FMN1: variants seen among roughly 807,000 people sequenced by gnomAD.
The protein encoded by FMN1 is formin 1.
In FMN1, 110 loss-of-function variants were observed where a neutral mutation model predicts 132.4. The observed-to-expected ratio is 0.83, with a 90% confidence interval of 0.71 to 0.97. The LOEUF is 0.97. Ranked by LOEUF, FMN1 falls within the 50% of genes least tolerant of loss-of-function variation. The pLI is 0.00. For synonymous variants in FMN1, 722 were observed against 651.7 expected, an observed-to-expected ratio of 1.11 and a Z score of -1.64; for missense variants, 1,792 against 1,705.3, an observed-to-expected ratio of 1.05 and a Z score of -0.90.
chr15:33,000,513 A>G (rs924585894), intron 7 of FMN1, among the ~76,000 whole-genome samples: 1 of 151,042 alleles, frequency 6.6e-6, no homozygotes, highest in African/African-American at 2.4e-5. Flanking sequence ...ATAGTGGCTG[A>G]CACCTGTAAC....
chr15:32,990,346 C>T (rs1252664573), intron 7 of FMN1, among the ~76,000 whole-genome samples: 1 of 152,046 alleles, frequency 6.6e-6, no homozygotes, highest in East Asian at 1.9e-4. Flanking sequence ...ATTCGCTGTC[C>T]CAGATGTTGA....
At chr15:32,788,782 G>A (rs2056966210) in intron 19 of FMN1, among the ~76,000 whole-genome samples, 3 of 152,256 alleles carry the variant, frequency 2.0e-5, no homozygotes, top group Non-Finnish European at 4.4e-5. Context: ...AAAGAGGTTT[G>A]AGGCTTGGCA....
chr15:32,966,451 G>C lies in FMN1; in HGVS notation c.2988-2194C>G, dbSNP rs74360705. On this transcript the variant is annotated intron_variant, in intron 8 of 20. Transcript: ENST00000616417. ...CTGCCATGGTGGTCAACTGACCACTGAACATACAATTCTAGCTCAAAAGGA... is the reference window on the plus strand; with the variant it reads ...CTGCCATGGTGGTCAACTGACCACTCAACATACAATTCTAGCTCAAAAGGA... 5.8e-3 allele frequency among the ~76,000 whole-genome samples: 888 copies of C among 152,200 alleles called. 1 individual carries two copies. The highest frequency in any genetic ancestry group is 9.3e-3 in the Non-Finnish European group (632 of 68,002).
Position 32,904,925 on chromosome 15 carries a change from C to G in FMN1, c.3378-2885G>C, listed in dbSNP as rs1596237743. ...CCACAAGAGCAAACACAGTAACTCTCTTAAATATTCCCAAGCATGGGATCT... is the reference window on the plus strand; with the variant it reads ...CCACAAGAGCAAACACAGTAACTCTGTTAAATATTCCCAAGCATGGGATCT... On this transcript the variant is annotated intron_variant, in intron 12 of 20. Coordinates refer to ENST00000616417, the MANE Select transcript of FMN1 (RefSeq NM_001277313.2). 3.3e-5 allele frequency among the ~76,000 whole-genome samples: 5 copies of G among 152,308 alleles called. No individual in the cohort carries two copies. In the East Asian group the frequency reaches 9.6e-4, roughly 29 times the overall value.
At chr15:32,954,470 C>T (rs1346732585) in intron 9 of FMN1, among the ~76,000 whole-genome samples, 2 of 152,120 alleles carry the variant, frequency 1.3e-5, no homozygotes, top group Non-Finnish European at 2.9e-5. Context: ...CCTTGGAATT[C>T]ATATAATTAA....
At chr15:32,806,927 CTCTA>C (rs1218098262) in intron 17 of FMN1, among the ~76,000 whole-genome samples, 1 of 152,198 alleles carries the variant, frequency 6.6e-6, no homozygotes, top group East Asian at 1.9e-4. Flanking sequence ...TTCCCACAGC[CTCTA>C]TCTACCTAAC....
chr15:32,879,212 T>C (rs1033303961), intron 16 of FMN1, among the ~76,000 whole-genome samples: 2 of 152,192 alleles, frequency 1.3e-5, no homozygotes, highest in African/African-American at 4.8e-5. Flanking sequence ...TTGAAATCAT[T>C]TTACAAAAAT....
intron 5 of FMN1, 100 bp downstream of exon 5, chr15:33,088,699 T>G: frequency 6.7e-6 from 7 of 1,049,044 alleles, no homozygotes; most frequent in Non-Finnish European, 9.1e-6. Context: ...ATCCATACAT[T>G]AAATGCAGCT....
chr15:33,151,198 G>T (rs1470578926), intron 4 of FMN1: 2 of 1,521,916 alleles, frequency 1.3e-6, no homozygotes, highest in East Asian at 2.5e-5. Flanking sequence ...AGGAGGTAAT[G>T]GCTGGAGGCC....
chr15:32,984,640 G>T (rs2032935325), intron 7 of FMN1, among the ~76,000 whole-genome samples: 1 of 152,184 alleles, frequency 6.6e-6, no homozygotes, highest in African/African-American at 2.4e-5. Flanking sequence ...TTATCAATCA[G>T]AAGCTATGAG....
At chr15:33,019,368 G>C (rs1226260249) in intron 6 of FMN1, among the ~76,000 whole-genome samples, 1 of 152,286 alleles carries the variant, frequency 6.6e-6, no homozygotes, top group Admixed American at 6.5e-5. Context: ...CAATCCCTTA[G>C]CCAGACATAA....
At chr15:33,177,421 T>C (rs970714232) in intron 3 of FMN1, among the ~76,000 whole-genome samples, 1 of 152,200 alleles carries the variant, frequency 6.6e-6, no homozygotes, top group Non-Finnish European at 1.5e-5. Flanking sequence ...GTCAGAAGGC[T>C]TGGACTCAAG....
intron 16 of FMN1, among the ~76,000 whole-genome samples, chr15:32,887,560 T>C (rs1310536345): frequency 6.6e-6 from 1 of 152,230 alleles, no homozygotes. Context: ...ACTGTGGGCC[T>C]TACCATCATT....
intron 3 of FMN1, among the ~76,000 whole-genome samples, chr15:33,178,740 C>T (rs951142710): frequency 6.6e-6 from 1 of 152,188 alleles, no homozygotes; most frequent in African/African-American, 2.4e-5. Flanking sequence ...GTGACTGGTA[C>T]ATAGTAAGTA....
chr15:33,125,495 G>C (rs1004833774), intron 4 of FMN1, among the ~76,000 whole-genome samples: 3 of 151,960 alleles, frequency 2.0e-5, no homozygotes, highest in African/African-American at 7.3e-5. Flanking sequence ...GTTATGTCTG[G>C]TCTTCAAATG....
At chr15:32,863,734 G>T (rs7182816) in intron 16 of FMN1, among the ~76,000 whole-genome samples, 20,218 of 152,062 alleles carry the variant, frequency 0.13, 3,553 homozygotes, top group African/African-American at 0.41. Context: ...GGACCGTCTA[G>T]TGCACTTCCT....
chr15:32,843,603 A>G (rs944045650), intron 17 of FMN1, among the ~76,000 whole-genome samples: 2 of 152,210 alleles, frequency 1.3e-5, no homozygotes, highest in African/African-American at 4.8e-5. Context: ...CTCCCCTAGA[A>G]TTACTATATT....
chr15:33,088,927 G>C lies in FMN1; in HGVS notation c.1915C>G (p.Pro639Ala). The C allele has an allele frequency of 6.5e-7, 1 of 1,535,832 alleles. No homozygotes were observed. Among genetic ancestry groups the C allele is most frequent in the South Asian group, 1.2e-5 (1 of 84,020 alleles). The change falls in exon 5 of 21, where the codon CCT (proline) becomes GCT (alanine). Residue 639 changes from proline (P) to alanine (A), a missense_variant. Transcript: ENST00000616417. ...CCATCTCTGTTGGGAAGGTCTTTAG[G>C]TGTCTGCTCATTGAAGCCGTCCCAG... Reference protein sequence around the residue: ...FPWDGFNEQTPKDLPNRDGGA... With the variant: ...FPWDGFNEQTAKDLPNRDGGA...
intron 16 of FMN1, among the ~76,000 whole-genome samples, chr15:32,865,071 G>A (rs2059361376): frequency 6.6e-6 from 1 of 152,186 alleles, no homozygotes; most frequent in African/African-American, 2.4e-5. Flanking sequence ...TAGAGACAAA[G>A]CGGATTAGTA....
Sources: allele counts gnomAD v4.1 joint callset (sites outside exome capture counted in the v4.1 genomes callset), GRCh38; gene constraint gnomAD v4.1.1; transcripts MANE v1.5; gene names NCBI Gene and HGNC (gene_info 2026-07-23, HGNC 2026-07-21).